SUDS3: variants seen among roughly 807,000 people sequenced by gnomAD.
SUDS3 encodes the protein SIN3A corepressor complex component SDS3, also known as sin3 histone deacetylase corepressor complex component SDS3.
Under a neutral mutation model 53.5 loss-of-function variants are expected in SUDS3, and 23 were observed. The ratio of observed to expected loss-of-function variants is 0.43; its 90% CI spans 0.31 to 0.61. The LOEUF (loss-of-function observed/expected upper bound fraction) is 0.61, where lower values mean the gene tolerates loss of function less well. SUDS3 is among the 20% of genes least tolerant of loss of function. The pLI, the probability that SUDS3 is intolerant of heterozygous loss-of-function variation, is 0.10. For synonymous variants in SUDS3, 150 were observed against 148.5 expected, an observed-to-expected ratio of 1.01 and a Z score of -0.08; for missense variants, 291 against 405.9, an observed-to-expected ratio of 0.72 and a Z score of 2.43.
At chr12:118,389,651 G>A (rs1420292430) in intron 4 of SUDS3, among the ~76,000 whole-genome samples, 2 of 152,242 alleles carry the variant, frequency 1.3e-5, no homozygotes, top group African/African-American at 4.8e-5. Flanking sequence ...GAGTAGTTGG[G>A]ATTACAGGCG....
intron 6 of SUDS3, among the ~76,000 whole-genome samples, chr12:118,392,724 C>G (rs1318658964): frequency 2.0e-5 from 3 of 152,176 alleles, no homozygotes; most frequent in African/African-American, 7.2e-5. Context: ...CCTCATTGTT[C>G]TCTGCTAGAG....
In SUDS3 at chr12:118,414,878, T is replaced by C. The variant is rs577349388; in HGVS notation, c.*445T>C. 1 of 152,958 alleles carries C rather than the reference T, an allele frequency of 6.5e-6. No individual in the cohort carries two copies. Among genetic ancestry groups the C allele is most frequent in the Admixed American group, 6.5e-5 (1 of 15,320 alleles). 9.5% of individuals were successfully genotyped at this position (152,958 alleles called of 1,614,324 possible). The stretch of plus-strand genomic sequence containing the variant: ...TCTGATTAGTGGATCACGTAGCTAC[T>C]TTCCCTGTCGCGTCCAATTCACTAT... On this transcript the variant is annotated 3_prime_UTR_variant, in exon 12 of 12. Transcript: ENST00000543473.
intron 10 of SUDS3, among the ~76,000 whole-genome samples, chr12:118,403,756 G>A (rs758712093): frequency 6.6e-6 from 1 of 152,174 alleles, no homozygotes; most frequent in South Asian, 2.1e-4. Flanking sequence ...TGGTGTCTCT[G>A]TACTAGAATT....
Position 118,386,235 on chromosome 12 carries a change from TG to T in SUDS3, c.340+51del. 11 of 1,454,986 alleles carry T rather than the reference TG, an allele frequency of 7.6e-6. No individual in the cohort carries two copies. In the Admixed American group the frequency reaches 9.7e-5, roughly 13 times the overall value. 90.1% of individuals were successfully genotyped at this position (1,454,986 alleles called of 1,614,324 possible). On this transcript the variant is annotated intron_variant, in intron 4 of 11. Transcript: ENST00000543473. ...AATCATCTTTCAATGTTTGACCATT[TG>T]CCGATCGTCGGTGTAATGCAGCCCT...
intron 2 of SUDS3, among the ~76,000 whole-genome samples, chr12:118,380,507 G>A (rs577340815): frequency 2.2e-4 from 34 of 152,296 alleles, no homozygotes; most frequent in African/African-American, 7.9e-4. Context: ...TACTTAATCT[G>A]TAGTAACCTT....
rs563859950 is a variant in SUDS3 at position 118,393,647 on chromosome 12, ATTTC to A, written c.517+2377_517+2380del. Among the ~76,000 whole-genome samples, 1,115 of 149,990 alleles carry A rather than the reference ATTTC, an allele frequency of 7.4e-3. 5 individuals carry two copies. The highest frequency in any genetic ancestry group is 0.014 in the South Asian group (65 of 4,758). ...TTTGGAGTGGAGGCTGAGATCCTGC[ATTTC>A]TTTCTTTCTTTTTTTTTTTTAAATT... On this transcript the variant is annotated intron_variant, in intron 6 of 11. Coordinates refer to ENST00000543473, the MANE Select transcript of SUDS3 (RefSeq NM_022491.3).
chr12:118,395,477 C>A (rs931567274), intron 6 of SUDS3, among the ~76,000 whole-genome samples: 2 of 151,274 alleles, frequency 1.3e-5, no homozygotes, highest in African/African-American at 4.9e-5. Flanking sequence ...CTGCCCTCCT[C>A]AGCCTCCCAA....
chr12:118,401,521 C>T (rs1342995277), intron 7 of SUDS3, among the ~76,000 whole-genome samples: 3 of 152,160 alleles, frequency 2.0e-5, no homozygotes, highest in Non-Finnish European at 4.4e-5. Flanking sequence ...TTGTAGATGC[C>T]TAATGAAGCT....
At chr12:118,389,576 A>G (rs139561581) in intron 4 of SUDS3, among the ~76,000 whole-genome samples, 1 of 151,502 alleles carries the variant, frequency 6.6e-6, no homozygotes, top group Non-Finnish European at 1.5e-5. Context: ...CAGTGGCACA[A>G]TCTCAGCTTA....
chr12:118,401,266 G>A (rs1021281163), intron 7 of SUDS3, among the ~76,000 whole-genome samples: 2 of 152,188 alleles, frequency 1.3e-5, no homozygotes, highest in African/African-American at 2.4e-5. Context: ...ATGGAGAAGC[G>A]TTGTTTCTGT....
chr12:118,397,458 G>C (rs2046226352), intron 6 of SUDS3, among the ~76,000 whole-genome samples: 1 of 152,176 alleles, frequency 6.6e-6, no homozygotes, highest in Non-Finnish European at 1.5e-5. Context: ...AAGCCAACTA[G>C]ACCAACCTGG....
chr12:118,390,634 A>C, intron 5 of SUDS3, among the ~76,000 whole-genome samples: 1 of 152,198 alleles, frequency 6.6e-6, no homozygotes, highest in East Asian at 1.9e-4. Flanking sequence ...CCCCTATGTC[A>C]GTCACCACAA....
At chr12:118,412,074 G>C (rs913974565) in intron 11 of SUDS3, among the ~76,000 whole-genome samples, 3 of 152,182 alleles carry the variant, frequency 2.0e-5, no homozygotes, top group African/African-American at 7.2e-5. Context: ...CCAGGGTTAT[G>C]CCCTTGGTTT....
chr12:118,414,986 T>C lies in SUDS3; in HGVS notation c.*553T>C, dbSNP rs1312393020. 1.3e-5 allele frequency: 2 copies of C among 152,346 alleles called. No homozygotes were observed. The highest frequency in any genetic ancestry group is 2.1e-4 in the South Asian group (1 of 4,832). 9.4% of individuals were successfully genotyped at this position (152,346 alleles called of 1,614,324 possible). ...CGGCCTTCTCAGAGAAATAAATGCTTTGTGTAACATCTGTGCACACCATCC... is the reference window on the plus strand; with the variant it reads ...CGGCCTTCTCAGAGAAATAAATGCTCTGTGTAACATCTGTGCACACCATCC... On this transcript the variant is annotated 3_prime_UTR_variant, in exon 12 of 12. Coordinates refer to ENST00000543473, the MANE Select transcript of SUDS3 (RefSeq NM_022491.3).
chr12:118,412,907 T>C (rs2046371214), intron 11 of SUDS3, among the ~76,000 whole-genome samples: 1 of 152,154 alleles, frequency 6.6e-6, no homozygotes. Context: ...GGGGAAACCG[T>C]TCTCATTTCT....
chr12:118,397,607 T>C (rs2046227595), intron 6 of SUDS3, among the ~76,000 whole-genome samples: 1 of 152,320 alleles, frequency 6.6e-6, no homozygotes, highest in South Asian at 2.1e-4. Flanking sequence ...CTTTCCTAGA[T>C]GGAGATGGAG....
At chr12:118,414,068 T>C (rs551348188) in intron 11 of SUDS3, among the ~76,000 whole-genome samples, 11 of 152,308 alleles carry the variant, frequency 7.2e-5, no homozygotes, top group South Asian at 2.1e-4. Context: ...AACCCAAGAT[T>C]GCTGTGCTTT....
chr12:118,377,408 C>A (rs2046009344), intron 1 of SUDS3, among the ~76,000 whole-genome samples: 1 of 152,124 alleles, frequency 6.6e-6, no homozygotes, highest in Non-Finnish European at 1.5e-5. Flanking sequence ...CTGTTTAATT[C>A]CCACACCTGC....
chr12:118,391,326 G>C (rs941511158), intron 6 of SUDS3, 44 bp downstream of exon 6: 26 of 1,565,012 alleles, frequency 1.7e-5, no homozygotes, highest in East Asian at 2.2e-5. Flanking sequence ...CCCTGAGCGG[G>C]GGGGTGTGAA....
Sources: gnomAD v4.1 joint callset for allele counts (sites outside exome capture counted in the v4.1 genomes callset) on GRCh38, gnomAD v4.1.1 for gene constraint, MANE v1.5 for transcripts, NCBI Gene and HGNC (gene_info 2026-07-23, HGNC 2026-07-21) for gene names.